FNIP2: variants seen among roughly 807,000 people sequenced by gnomAD.
The protein encoded by FNIP2 is folliculin-interacting protein 2.
A neutral mutation model predicts 108.7 loss-of-function variants in FNIP2; 32 were observed. The observed-to-expected ratio is 0.29, with a 90% CI of 0.22 to 0.40. FNIP2 has a LOEUF of 0.40. FNIP2 is among the 10% of genes least tolerant of loss of function. The pLI is 1.00. For missense variants in FNIP2, 1,202 were observed against 1,381.6 expected (o/e 0.87, Z 2.06); for synonymous variants, 480 against 496.7 (o/e 0.97, Z 0.45).
At chr4:158,867,182 C>T (rs556511439) in intron 12 of FNIP2, among the ~76,000 whole-genome samples, 5 of 151,968 alleles carry the variant, frequency 3.3e-5, no homozygotes, top group Middle Eastern at 6.8e-3. Context: ...TACTTTTTTC[C>T]AGTTGAATTT....
chr4:158,801,387 T>A (rs1230484738), intron 1 of FNIP2, among the ~76,000 whole-genome samples: 1 of 152,204 alleles, frequency 6.6e-6, no homozygotes, highest in Non-Finnish European at 1.5e-5. Context: ...ATTTGAGATG[T>A]AGAAGAAAGA....
At chr4:158,883,533 G>A (rs751247906) in intron 14 of FNIP2, among the ~76,000 whole-genome samples, 12 of 152,142 alleles carry the variant, frequency 7.9e-5, no homozygotes, top group East Asian at 1.9e-4. Flanking sequence ...GAGCCATCGC[G>A]CCCAGCCTCC....
At chr4:158,901,008 G>A (rs1280528697) in intron 16 of FNIP2, among the ~76,000 whole-genome samples, 1 of 152,076 alleles carries the variant, frequency 6.6e-6, no homozygotes, top group East Asian at 1.9e-4. Flanking sequence ...TCCTTCAGGA[G>A]CTCTTGTAAG....
chr4:158,893,721 T>G (rs1782439782), intron 15 of FNIP2: 1 of 1,574,266 alleles, frequency 6.4e-7, no homozygotes, highest in Admixed American at 1.8e-5. Flanking sequence ...TCCTTTTCTG[T>G]AAGAGAAGTA....
intron 14 of FNIP2, chr4:158,871,279 T>C (rs1384448007): frequency 3.2e-6 from 2 of 633,302 alleles, no homozygotes; most frequent in South Asian, 7.0e-5. Flanking sequence ...TGAGCTGTTA[T>C]TGGGCAGATG....
rs1289134224 is a variant in FNIP2, at chr4:158,887,152, AG to A, written c.2950-4293del. 5.3e-5 allele frequency among the ~76,000 whole-genome samples: 8 copies of A among 152,298 alleles called. No individual in the cohort carries two copies. In the South Asian group the frequency reaches 1.0e-3, roughly 20 times the overall value. ...ACTCCAAGTCCTAAGAAGAGCAGAT[AG>A]TGGATTAGGCTTTTCATAGGTGTTT... On this transcript the variant is annotated intron_variant, in intron 14 of 16. Coordinates refer to ENST00000264433, the MANE Select transcript of FNIP2 (RefSeq NM_020840.3).
At chr4:158,797,955 A>G (rs183909509) in intron 1 of FNIP2, among the ~76,000 whole-genome samples, 42 of 152,262 alleles carry the variant, frequency 2.8e-4, no homozygotes. Flanking sequence ...CTGCTTTGAG[A>G]CTGTTGGCAC....
chr4:158,889,957 CTG>C (rs1782202060), intron 14 of FNIP2: 1 of 985,238 alleles, frequency 1.0e-6, no homozygotes, highest in Non-Finnish European at 1.2e-6. Context: ...GTTTTGGAGA[CTG>C]TATATATGCA....
At chr4:158,837,175 A>G (rs929556460) in intron 7 of FNIP2, among the ~76,000 whole-genome samples, 9 of 152,222 alleles carry the variant, frequency 5.9e-5, no homozygotes, top group African/African-American at 2.2e-4. Flanking sequence ...GGGCCTTACC[A>G]GAAGTCGCAG....
rs531805903 is a variant in FNIP2, at chr4:158,898,744, TGGG to T, written c.3266+2881_3266+2883del. 3.8e-3 allele frequency among the ~76,000 whole-genome samples: 583 copies of T among 152,342 alleles called. 5 individuals carry two copies. The highest frequency in any genetic ancestry group is 0.02 in the Middle Eastern group (6 of 294). On this transcript the variant is annotated intron_variant, in intron 16 of 16. Transcript: ENST00000264433. The stretch of plus-strand genomic sequence containing the variant: ...TTAAGGAGATTTTGGGCTGAAATGT[TGGG>T]GTTTTCCAAATATACAATCATGTCA...
chr4:158,882,031 G>A (rs554805453), intron 14 of FNIP2, among the ~76,000 whole-genome samples: 102 of 150,624 alleles, frequency 6.8e-4, no homozygotes, highest in African/African-American at 2.3e-3. Context: ...GTCTCTGCCC[G>A]GCCGCCCATT....
At chr4:158,878,038 C>A (rs1365900061) in intron 14 of FNIP2, among the ~76,000 whole-genome samples, 1 of 152,014 alleles carries the variant, frequency 6.6e-6, no homozygotes, top group Admixed American at 6.6e-5. Context: ...GGCATGCCTC[C>A]CCTCTAAAAC....
chr4:158,893,712 C>G, intron 15 of FNIP2: 1 of 1,585,652 alleles, frequency 6.3e-7, no homozygotes, highest in Non-Finnish European at 8.6e-7. Context: ...GTTAATGTTT[C>G]CTTTTCTGTA....
chr4:158,769,420 A>T, intron 1 of FNIP2, 101 bp downstream of exon 1: 1 of 730,298 alleles, frequency 1.4e-6, no homozygotes, highest in Non-Finnish European at 1.9e-6. Flanking sequence ...ACTGTCCAGG[A>T]CGGCGCTGCC....
chr4:158,891,936 C>G (rs765800471), intron 15 of FNIP2, among the ~76,000 whole-genome samples: 1 of 152,074 alleles, frequency 6.6e-6, no homozygotes, highest in Non-Finnish European at 1.5e-5. Context: ...AACTGTAAAT[C>G]ATCCACTGGA....
chr4:158,888,717 T>G (rs1030747872), intron 14 of FNIP2, among the ~76,000 whole-genome samples: 1 of 151,558 alleles, frequency 6.6e-6, no homozygotes, highest in African/African-American at 2.4e-5. Context: ...AGCAAAACCC[T>G]GTCTCTAACA....
chr4:158,895,939 C>G lies in FNIP2; in HGVS notation c.3266+74C>G, dbSNP rs1782631937. 12 of 1,095,824 alleles carry G rather than the reference C, an allele frequency of 1.1e-5. No individual in the cohort carries two copies. The South Asian group carries it at 1.5e-4, about 14-fold the overall frequency. The allele number at this position is 1,095,824 out of a possible 1,614,324, so 67.9% of individuals were successfully genotyped here. A position where few individuals can be genotyped will look rare whatever the true frequency, so the allele number is the denominator to read the frequency against. On this transcript the variant is annotated intron_variant, in intron 16 of 16. Coordinates refer to ENST00000264433, the MANE Select transcript of FNIP2 (RefSeq NM_020840.3). ...GCATTGTACCCACTAACGTGTTTAG[C>G]CTGTGTCACCCTAAACCTCAGGCCC...
chr4:158,861,532 C>T, intron 11 of FNIP2, 44 bp downstream of exon 11: 1 of 1,613,520 alleles, frequency 6.2e-7, no homozygotes, highest in Admixed American at 1.7e-5. Flanking sequence ...ATCTCATGGC[C>T]AATGTGTGTA....
At chr4:158,794,347 G>T (rs1270775716) in intron 1 of FNIP2, among the ~76,000 whole-genome samples, 4 of 152,108 alleles carry the variant, frequency 2.6e-5, no homozygotes, top group Non-Finnish European at 4.4e-5. Context: ...GTAGACACAG[G>T]GTCTCCCTAT....
Sources: allele counts gnomAD v4.1 joint callset (sites outside exome capture counted in the v4.1 genomes callset), GRCh38; gene constraint gnomAD v4.1.1; transcripts MANE v1.5; gene names NCBI Gene and HGNC (gene_info 2026-07-23, HGNC 2026-07-21).